Variants in SLC4A8 observed in about 807,000 individuals in gnomAD.
The protein encoded by SLC4A8 is electroneutral sodium bicarbonate exchanger 1.
Under a neutral mutation model 125.0 loss-of-function variants are expected in SLC4A8, and 40 were observed. The observed-to-expected ratio is 0.32, with a 90% CI of 0.25 to 0.42. The LOEUF is 0.42. Among genes scored for constraint, SLC4A8 ranks in the 10% least tolerant of loss-of-function variants. The pLI, the probability that SLC4A8 is intolerant of heterozygous loss-of-function variation, is 1.00. For missense variants in SLC4A8, 863 were observed against 1,355.1 expected, an observed-to-expected ratio of 0.64 and a Z score of 5.70; for synonymous variants, 456 against 476.0, an observed-to-expected ratio of 0.96 and a Z score of 0.55.
Position 51,458,556 on chromosome 12 carries a change from T to C in SLC4A8, c.764-3T>C. The C allele has an allele frequency of 1.2e-6, 2 of 1,609,830 alleles. No homozygotes were observed. The highest frequency in any genetic ancestry group is 1.7e-6 in the Non-Finnish European group (2 of 1,176,154). The stretch of plus-strand genomic sequence containing the variant: ...AGGATTTTGTTTTATTTTCTCCAAA[T>C]AGGTCAAACCGTGTCTCCTCAGTCT... On this transcript the variant is annotated splice_region_variant and splice_polypyrimidine_tract_variant and intron_variant, in intron 6 of 24. Coordinates refer to ENST00000453097, the MANE Select transcript of SLC4A8 (RefSeq NM_001039960.3).
chr12:51,477,789 A>T (rs1950896415), intron 16 of SLC4A8, among the ~76,000 whole-genome samples: 1 of 151,906 alleles, frequency 6.6e-6, no homozygotes, highest in Non-Finnish European at 1.5e-5. Context: ...ATTTGACTTC[A>T]CTGATTATCT....
intron 1 of SLC4A8, 133 bp from the exon 2 acceptor site, chr12:51,440,575 G>A (rs1949563095): frequency 3.1e-6 from 2 of 648,644 alleles, no homozygotes; most frequent in Non-Finnish European, 2.7e-6. Context: ...GTATTGTGAA[G>A]TTCACATGTA....
intron 1 of SLC4A8, among the ~76,000 whole-genome samples, chr12:51,405,490 G>A (rs1948467494): frequency 1.3e-5 from 2 of 152,228 alleles, no homozygotes; most frequent in African/African-American, 4.8e-5. Context: ...TTCCCCAGTG[G>A]GGGTCTCCAC....
chr12:51,433,866 T>G (rs796712289), intron 1 of SLC4A8, among the ~76,000 whole-genome samples: 13,138 of 82,266 alleles, frequency 0.16, 1,042 homozygotes, highest in African/African-American at 0.27. Flanking sequence ...TTTTTTTTTT[T>G]TTTTTTTTTT....
chr12:51,441,096 C>T (rs763155792), intron 2 of SLC4A8: 11 of 1,033,740 alleles, frequency 1.1e-5, no homozygotes, highest in East Asian at 1.5e-4. Flanking sequence ...CAGTTCAGTG[C>T]GTTAATTCTT....
At chr12:51,497,266 T>A in intron 22 of SLC4A8, 142 bp downstream of exon 22, 1 of 900,170 alleles carries the variant, frequency 1.1e-6, no homozygotes, top group Non-Finnish European at 1.7e-6. Context: ...TGTTCTCAGC[T>A]AAGAATGGAT....
intron 2 of SLC4A8, among the ~76,000 whole-genome samples, chr12:51,447,037 C>CCTGT (rs143192962): frequency 1.1e-4 from 16 of 149,268 alleles, no homozygotes; most frequent in African/African-American, 1.7e-4. Flanking sequence ...TGCCTGCCTG[C>CCTGT]CTGTCTGTCT....
chr12:51,424,037 C>CAAAAAAAAAAAAAAAAAAAAAAAAAAAA (rs35611847), upstream of SLC4A8, among the ~76,000 whole-genome samples: 1 of 38,224 alleles, frequency 2.6e-5, no homozygotes, highest in Admixed American at 4.2e-4. Context: ...ACTTCGTCTC[C>CAAAAAAAAAAAAAAAAAAAAAAAAAAAA]AAAAAAAAAA....
At chr12:51,488,050 G>C (rs1389495071) in intron 17 of SLC4A8, among the ~76,000 whole-genome samples, 1 of 152,164 alleles carries the variant, frequency 6.6e-6, no homozygotes, top group East Asian at 1.9e-4. Context: ...TCTACACAGA[G>C]GTTTGGAAAG....
intron 1 of SLC4A8, among the ~76,000 whole-genome samples, chr12:51,415,599 ATTCT>A (rs1204546797): frequency 6.6e-6 from 1 of 151,638 alleles, no homozygotes; most frequent in Non-Finnish European, 1.5e-5. Flanking sequence ...ATGTGTGTTG[ATTCT>A]TTCTTGTATG....
intron 16 of SLC4A8, chr12:51,480,147 G>A (rs769909018): frequency 1.9e-6 from 1 of 519,038 alleles, no homozygotes; most frequent in Non-Finnish European, 3.1e-6. Context: ...CCCCATGTTG[G>A]CCAGGATGGT....
In SLC4A8 at chr12:51,469,997, A is replaced by G. The variant is rs530151855; in HGVS notation, c.1524+209A>G. On this transcript the variant is annotated intron_variant, in intron 12 of 24. Transcript: ENST00000453097. ...CTTCTGCTTGAACATCAGCTTCAGT[A>G]GCTGGTTGCCCAGTTGAATTTTCTG... 1.3e-3 allele frequency among the ~76,000 whole-genome samples: 197 copies of G among 152,280 alleles called. 1 individual carries two copies. The highest frequency in any genetic ancestry group is 4.5e-3 in the African/African-American group (188 of 41,562).
At chr12:51,475,351 T>C in intron 16 of SLC4A8, 145 bp downstream of exon 16, 3 of 755,808 alleles carry the variant, frequency 4.0e-6, no homozygotes, top group Non-Finnish European at 4.4e-6. Flanking sequence ...TCTCTCCTAG[T>C]GTCTGGCAGC....
chr12:51,430,691 C>T (rs764747492), intron 1 of SLC4A8, among the ~76,000 whole-genome samples: 2 of 152,114 alleles, frequency 1.3e-5, no homozygotes, highest in African/African-American at 2.4e-5. Flanking sequence ...TGTAGATAAT[C>T]GTCTTAGCTC....
chr12:51,426,875 GGAGA>G (rs150265856), intron 1 of SLC4A8, among the ~76,000 whole-genome samples: 3 of 151,436 alleles, frequency 2.0e-5, no homozygotes, highest in Admixed American at 6.6e-5. Flanking sequence ...CTCCTAACCG[GGAGA>G]GAGAGAGAGG....
chr12:51,468,262 G>A (rs912776079), intron 11 of SLC4A8, among the ~76,000 whole-genome samples: 2 of 151,118 alleles, frequency 1.3e-5, no homozygotes, highest in African/African-American at 4.8e-5. Context: ...AAGAGGAGAG[G>A]GGCCCTGAAG....
chr12:51,453,464 G>A, intron 4 of SLC4A8, 75 bp from the exon 5 acceptor site: 2 of 1,441,772 alleles, frequency 1.4e-6, no homozygotes, highest in South Asian at 2.4e-5. Flanking sequence ...TTCCTCTGTG[G>A]CTCACATCGA....
chr12:51,465,587 C>T (rs1482943283), intron 11 of SLC4A8, among the ~76,000 whole-genome samples: 1 of 152,186 alleles, frequency 6.6e-6, no homozygotes, highest in African/African-American at 2.4e-5. Context: ...AGGAGTTCTC[C>T]CATAATGTCA....
chr12:51,504,260 T>A, intron 23 of SLC4A8, 140 bp downstream of exon 23: 4 of 663,756 alleles, frequency 6.0e-6, no homozygotes, highest in Non-Finnish European at 1.1e-5. Flanking sequence ...CCTGTGAAAA[T>A]ACCTTTTCCA....
Sources: allele counts gnomAD v4.1 joint callset (sites outside exome capture counted in the v4.1 genomes callset), GRCh38; gene constraint gnomAD v4.1.1; transcripts MANE v1.5; gene names NCBI Gene and HGNC (gene_info 2026-07-23, HGNC 2026-07-21).